IBTK: variants seen among roughly 807,000 people sequenced by gnomAD.
IBTK encodes the protein BTK-binding protein.
In IBTK, 83 loss-of-function variants were observed where a neutral mutation model predicts 154.9. The ratio of observed to expected loss-of-function variants is 0.54; its 90% CI spans 0.45 to 0.64. The LOEUF (loss-of-function observed/expected upper bound fraction) is 0.64. Among genes scored for constraint, IBTK ranks in the 30% least tolerant of loss-of-function variants. The pLI, the probability that IBTK is intolerant of heterozygous loss-of-function variation, is 0.00. For missense variants in IBTK, 1,332 were observed against 1,584.6 expected (o/e 0.84, Z 2.71); for synonymous variants, 515 against 536.1 (o/e 0.96, Z 0.54).
intron 23 of IBTK, among the ~76,000 whole-genome samples, chr6:82,192,419 T>C (rs1055207672): frequency 2.0e-5 from 3 of 152,156 alleles, no homozygotes; most frequent in Admixed American, 6.5e-5. Context: ...GAGGAAGTTA[T>C]ACCATAATGA....
chr6:82,220,189 A>G (rs939165865), intron 9 of IBTK, among the ~76,000 whole-genome samples: 3 of 152,194 alleles, frequency 2.0e-5, no homozygotes, highest in Non-Finnish European at 4.4e-5. Context: ...TAGCCTGGCC[A>G]ATAGAGCGAG....
Position 82,213,657 on chromosome 6 carries a change from T to C in IBTK, c.2204+570A>G, listed in dbSNP as rs180841818. 4.9e-4 allele frequency among the ~76,000 whole-genome samples: 74 copies of C among 152,300 alleles called. 1 individual carries two copies. Among genetic ancestry groups the C allele is most frequent in the African/African-American group, 1.7e-3 (69 of 41,574 alleles). On this transcript the variant is annotated intron_variant, in intron 12 of 28. Coordinates refer to ENST00000306270, the MANE Select transcript of IBTK (RefSeq NM_015525.4). The stretch of plus-strand genomic sequence containing the variant: ...AAGCTAAGAGATATGTATGTCTAAC[T>C]TGAAAGACCTTTCCAGCATACCACA...
intron 23 of IBTK, among the ~76,000 whole-genome samples, chr6:82,193,654 T>C (rs983297776): frequency 1.3e-5 from 2 of 152,168 alleles, no homozygotes; most frequent in African/African-American, 4.8e-5. Flanking sequence ...AATACTACAT[T>C]CTAATTACAT....
chr6:82,247,482 G>GA (rs1771200648), intron 1 of IBTK, 80 bp downstream of exon 1: 1 of 398,096 alleles, frequency 2.5e-6, no homozygotes, highest in Non-Finnish European at 4.4e-6. Flanking sequence ...GCACCCTCCA[G>GA]AAGGCGAATA....
At chr6:82,217,496 C>T (rs1371451547) in intron 10 of IBTK, among the ~76,000 whole-genome samples, 3 of 152,234 alleles carry the variant, frequency 2.0e-5, no homozygotes, top group Middle Eastern at 3.4e-3. Context: ...ATCTTTAAAA[C>T]TTTCCCCTAT....
chr6:82,203,575 C>T (rs1394307493), intron 17 of IBTK, among the ~76,000 whole-genome samples: 1 of 152,082 alleles, frequency 6.6e-6, no homozygotes, highest in Non-Finnish European at 1.5e-5. Flanking sequence ...ATAAAAACTT[C>T]TTTAGAGTTG....
chr6:82,209,815 C>T (rs1769559169), intron 16 of IBTK, among the ~76,000 whole-genome samples: 1 of 152,122 alleles, frequency 6.6e-6, no homozygotes, highest in Admixed American at 6.5e-5. Context: ...GAAATTTTGT[C>T]CTCAGTTAAA....
At chr6:82,181,001 A>G (rs1768300045) in intron 26 of IBTK, among the ~76,000 whole-genome samples, 1 of 152,248 alleles carries the variant, frequency 6.6e-6, no homozygotes, top group African/African-American at 2.4e-5. Flanking sequence ...CACTGAAAAT[A>G]CTGCTTTTAA....
intron 4 of IBTK, among the ~76,000 whole-genome samples, chr6:82,229,818 T>G (rs1331543239): frequency 6.6e-6 from 1 of 152,154 alleles, no homozygotes; most frequent in Non-Finnish European, 1.5e-5. Context: ...ATGACACCAT[T>G]CTACTCCCTA....
chr6:82,227,479 C>T (rs868271263), intron 4 of IBTK, among the ~76,000 whole-genome samples, 177 bp from the exon 5 acceptor site: 1 of 151,880 alleles, frequency 6.6e-6, no homozygotes. Context: ...GATACATATG[C>T]TTTGTTTTAA....
intron 4 of IBTK, among the ~76,000 whole-genome samples, chr6:82,230,539 A>G (rs1317650627): frequency 6.6e-6 from 1 of 152,198 alleles, no homozygotes; most frequent in Non-Finnish European, 1.5e-5. Flanking sequence ...CTTGAAAAGG[A>G]CATGGCACCT....
intron 2 of IBTK, among the ~76,000 whole-genome samples, chr6:82,235,912 C>T (rs1264475923): frequency 6.6e-6 from 1 of 152,020 alleles, no homozygotes; most frequent in African/African-American, 2.4e-5. Context: ...CTTGCTCTGT[C>T]ACCCAGGCTG....
intron 26 of IBTK, among the ~76,000 whole-genome samples, chr6:82,176,066 A>G (rs1455762553): frequency 6.6e-6 from 1 of 152,146 alleles, no homozygotes; most frequent in Non-Finnish European, 1.5e-5. Context: ...ACCAAAAAAC[A>G]TTAATATTGT....
chr6:82,194,483 A>G lies in IBTK; in HGVS notation c.3334T>C (p.Phe1112Leu). The G allele has an allele frequency of 6.4e-7, 1 of 1,565,640 alleles. No individual in the cohort carries two copies. Among genetic ancestry groups the G allele is most frequent in the East Asian group, 2.3e-5 (1 of 43,708 alleles). Residue 1112 changes from phenylalanine to leucine, a missense_variant, in exon 23 of 29, where the codon TTC (phenylalanine) becomes CTC (leucine). By Grantham distance (22) the Phe-to-Leu change is conservative. Around this residue, in one of 3 missense-constraint regions of IBTK, gnomAD observed 1,134 missense variants for 1,274.7 expected, o/e 0.89. Transcript: ENST00000306270. ...AGAATAAAATAAAAATCCTACCTGA[A>G]AGAACCAGCAACCCAACTGGCAGAG... The part of the protein sequence containing the change: ...TSSASWVAGS[F>L]SPVSPPVVDL...
chr6:82,210,075 G>A (rs72900628), intron 16 of IBTK, among the ~76,000 whole-genome samples: 10,009 of 152,200 alleles, frequency 0.066, 479 homozygotes, highest in Non-Finnish European at 0.1. Flanking sequence ...ATTCCAATGA[G>A]TAAACATATC....
chr6:82,192,875 G>A lies in IBTK; in HGVS notation c.3339-996C>T, dbSNP rs76115630. Among the ~76,000 whole-genome samples the A allele has an allele frequency of 0.018, 2,720 of 152,050 alleles. 140 individuals carry two copies. In the East Asian group the frequency reaches 0.21, roughly 12 times the overall value. On this transcript the variant is annotated intron_variant, in intron 23 of 28. Transcript: ENST00000306270. ...AGCACTTTGGGAGGCCGAGGTGGGCGGATCACAAGATCAGGAATTCAAGAC... is the reference window on the plus strand; with the variant it reads ...AGCACTTTGGGAGGCCGAGGTGGGCAGATCACAAGATCAGGAATTCAAGAC...
intron 1 of IBTK, among the ~76,000 whole-genome samples, chr6:82,247,232 G>A (rs1384505325): frequency 6.6e-6 from 1 of 152,200 alleles, no homozygotes; most frequent in Non-Finnish European, 1.5e-5. Flanking sequence ...TCAAATCCAA[G>A]ACTCGAAGGA....
chr6:82,218,140 A>G lies in IBTK; in HGVS notation c.1249-3T>C. On this transcript the variant is annotated splice_region_variant and splice_polypyrimidine_tract_variant and intron_variant, in intron 9 of 28. Transcript: ENST00000306270. ...TTGACTGATCTCCAGCAAAACACCT[A>G]AAACAAAACCAAATCACATTGAAAT... 6.5e-7 allele frequency: 1 copy of G among 1,545,306 alleles called. No individual in the cohort carries two copies. Among genetic ancestry groups the G allele is most frequent in the Non-Finnish European group, 8.7e-7 (1 of 1,148,936 alleles).
At chr6:82,207,990 A>G (rs1769474406) in intron 16 of IBTK, among the ~76,000 whole-genome samples, 1 of 152,002 alleles carries the variant, frequency 6.6e-6, no homozygotes, top group Non-Finnish European at 1.5e-5. Context: ...TTGGTCAAAG[A>G]GTACAAAATT....
Sources: allele counts gnomAD v4.1 joint callset (sites outside exome capture counted in the v4.1 genomes callset), GRCh38; gene constraint gnomAD v4.1.1; regional missense constraint gnomAD v4.1.1; transcripts MANE v1.5; gene names NCBI Gene and HGNC (gene_info 2026-07-23, HGNC 2026-07-21).